Variants in ITPR2 observed in about 807,000 individuals in gnomAD.
ITPR2 encodes the protein inositol 1,4,5-trisphosphate-gated calcium channel ITPR2.
Under a neutral mutation model 317.1 loss-of-function variants are expected in ITPR2, and 207 were observed. That is an observed-to-expected ratio of 0.65 (90% confidence interval 0.58 to 0.73). The LOEUF (loss-of-function observed/expected upper bound fraction) is 0.73. Among genes scored for constraint, ITPR2 ranks in the 30% least tolerant of loss-of-function variants. The pLI, the probability that ITPR2 is intolerant of heterozygous loss-of-function variation, is 0.00. For synonymous variants in ITPR2, 1,156 were observed against 1,149.1 expected (o/e 1.01, Z -0.12); for missense variants, 2,613 against 3,284.0 (o/e 0.80, Z 4.99).
chr12:26,387,410 A>G, intron 55 of ITPR2, 24 bp downstream of exon 55: 1 of 1,610,014 alleles, frequency 6.2e-7, no homozygotes, highest in African/African-American at 1.3e-5. Flanking sequence ...TATAGTCACA[A>G]ATTAAAACCT....
intron 20 of ITPR2, 46 bp from the exon 21 acceptor site, chr12:26,654,172 A>G (rs576752224): frequency 3.3e-4 from 478 of 1,427,966 alleles, no homozygotes; most frequent in South Asian, 3.0e-3. Context: ...GAAAGAGTGG[A>G]AAAAAAAATT....
chr12:26,357,073 T>C (rs747795532), intron 55 of ITPR2, among the ~76,000 whole-genome samples: 1 of 152,086 alleles, frequency 6.6e-6, no homozygotes, highest in Non-Finnish European at 1.5e-5. Flanking sequence ...AGAGTGTCTT[T>C]TTTATTCATG....
intron 46 of ITPR2, among the ~76,000 whole-genome samples, chr12:26,441,171 C>T (rs1417331262): frequency 6.6e-6 from 1 of 152,040 alleles, no homozygotes; most frequent in Non-Finnish European, 1.5e-5. Flanking sequence ...TTTCTAATTA[C>T]TAGACATTCA....
chr12:26,574,652 T>C (rs7966876), intron 34 of ITPR2, among the ~76,000 whole-genome samples: 52,782 of 151,976 alleles, frequency 0.35, 10,727 homozygotes, highest in Non-Finnish European at 0.47. Flanking sequence ...GGATAATTGA[T>C]AAAGAAAAGA....
intron 2 of ITPR2, among the ~76,000 whole-genome samples, chr12:26,754,482 A>G (rs1949485785): frequency 6.6e-6 from 1 of 152,378 alleles, no homozygotes; most frequent in South Asian, 2.1e-4. Context: ...AGTTGCTAAG[A>G]GTTAACATTG....
intron 55 of ITPR2, among the ~76,000 whole-genome samples, chr12:26,370,481 T>C (rs932844135): frequency 6.6e-6 from 1 of 152,170 alleles, no homozygotes; most frequent in Non-Finnish European, 1.5e-5. Flanking sequence ...TCCTAAACAA[T>C]GAGCAAATCC....
chr12:26,375,831 C>G (rs10771277), intron 55 of ITPR2, among the ~76,000 whole-genome samples: 77,010 of 152,070 alleles, frequency 0.51, 19,794 homozygotes, highest in East Asian at 0.64. Flanking sequence ...TGCCCTAGTG[C>G]ATAAAATAAA....
intron 5 of ITPR2, among the ~76,000 whole-genome samples, chr12:26,719,265 A>G (rs952829651): frequency 1.3e-5 from 2 of 152,236 alleles, no homozygotes; most frequent in Non-Finnish European, 2.9e-5. Context: ...AGTGAAGCTC[A>G]GGACGTGATT....
chr12:26,340,109 C>T (rs573026707), intron 56 of ITPR2, 58 bp downstream of exon 56: 1 of 1,487,184 alleles, frequency 6.7e-7, no homozygotes, highest in South Asian at 1.4e-5. Flanking sequence ...TGTCTCCCCT[C>T]ACCGGAAGTG....
intron 26 of ITPR2, among the ~76,000 whole-genome samples, chr12:26,610,009 G>A (rs1946226696): frequency 6.6e-6 from 1 of 152,180 alleles, no homozygotes; most frequent in Non-Finnish European, 1.5e-5. Flanking sequence ...AATGAGGTCT[G>A]AGGCAAAAAT....
At chr12:26,777,112 A>T (rs1239236969) in intron 2 of ITPR2, among the ~76,000 whole-genome samples, 1 of 152,194 alleles carries the variant, frequency 6.6e-6, no homozygotes, top group Non-Finnish European at 1.5e-5. Context: ...TCAGAGAGTT[A>T]AAAAAAGGTT....
rs370215906 is a variant in ITPR2 at position 26,609,448 on chromosome 12, A to G, written c.3463-6742T>C. Among the ~76,000 whole-genome samples, 37 of 152,200 alleles carry G rather than the reference A, an allele frequency of 2.4e-4. No individual in the cohort carries two copies. The South Asian group carries it at 7.5e-3, about 31-fold the overall frequency. The stretch of plus-strand genomic sequence containing the variant: ...ATGGTGAAACCCCATGCCTACAAAA[A>G]ATACAAAAATCAGCCAGGCGTGGTG... On this transcript the variant is annotated intron_variant, in intron 26 of 56. Transcript: ENST00000381340.
Position 26,436,287 on chromosome 12 carries a change from T to C in ITPR2, c.6703A>G (p.Asn2235Asp). ...GCTAAATTGATGAACACAGCCAGGTTGAAGGAAATGCTCCCCCAGAGAGAG... is the reference window on the plus strand; with the variant it reads ...GCTAAATTGATGAACACAGCCAGGTCGAAGGAAATGCTCCCCCAGAGAGAG... ...HISLWGSISF[N>D]LAVFINLAVA... The change falls in exon 48 of 57, where the codon AAC becomes GAC. Residue 2235 changes from asparagine to aspartate, a missense_variant. Asn to Asp is a conservative substitution (Grantham distance 23). This residue lies in a region of ITPR2 where 926 missense variants were observed against 1,072.8 expected (regional missense o/e 0.86). Transcript: ENST00000381340. 1.9e-6 allele frequency: 3 copies of C among 1,613,460 alleles called. No homozygotes were observed. Among genetic ancestry groups the C allele is most frequent in the Non-Finnish European group, 2.5e-6 (3 of 1,179,640 alleles).
At chr12:26,780,221 G>A (rs1378784857) in intron 2 of ITPR2, among the ~76,000 whole-genome samples, 9 of 152,276 alleles carry the variant, frequency 5.9e-5, no homozygotes, top group East Asian at 1.9e-4. Context: ...GACCAACACT[G>A]AGCCTTCGAT....
intron 21 of ITPR2, among the ~76,000 whole-genome samples, chr12:26,643,594 G>T (rs1947041502): frequency 6.6e-6 from 1 of 152,190 alleles, no homozygotes; most frequent in Non-Finnish European, 1.5e-5. Context: ...GGATGGTAAA[G>T]GTCATTCAGA....
At chr12:26,805,495 T>C (rs987937667) in intron 1 of ITPR2, among the ~76,000 whole-genome samples, 3 of 152,150 alleles carry the variant, frequency 2.0e-5, no homozygotes, top group Non-Finnish European at 4.4e-5. Flanking sequence ...AGTAAGATAG[T>C]CACTTCAGAA....
chr12:26,773,146 T>C (rs943571179), intron 2 of ITPR2, among the ~76,000 whole-genome samples: 2 of 152,222 alleles, frequency 1.3e-5, no homozygotes, highest in African/African-American at 4.8e-5. Flanking sequence ...CCTTCCCACC[T>C]ACCATCTATG....
rs1308297273 is a variant in ITPR2 at position 26,765,171 on chromosome 12, T to C, written c.163+24986A>G. ...AGTCAACAAAATAGCCCGTATTTTC[T>C]ATGGGACATGCATCAAAACAACTAA... is the stretch of plus-strand genomic sequence containing the variant. On this transcript the variant is annotated intron_variant, in intron 2 of 56. Transcript: ENST00000381340. Among the ~76,000 whole-genome samples, 15 of 152,128 alleles carry C rather than the reference T, an allele frequency of 9.9e-5. No individual in the cohort carries two copies. The South Asian group carries it at 1.0e-3, about 10-fold the overall frequency.
rs561036958 is a variant in ITPR2 at position 26,335,489 on chromosome 12, G to A, written c.*3908C>T. Among the ~76,000 whole-genome samples the A allele has an allele frequency of 3.3e-5, 5 of 152,218 alleles. No individual in the cohort carries two copies. The East Asian group carries it at 5.8e-4, about 18-fold the overall frequency. On this transcript the variant is annotated 3_prime_UTR_variant, in exon 57 of 57. Coordinates refer to ENST00000381340, the MANE Select transcript of ITPR2 (RefSeq NM_002223.4). ...CTTCTTGGTGATATGAGAAATACTG[G>A]TGTGATAATTTCATAAATTATTCAA...
Sources: allele counts gnomAD v4.1 joint callset (sites outside exome capture counted in the v4.1 genomes callset), GRCh38; gene constraint gnomAD v4.1.1; regional missense constraint gnomAD v4.1.1; transcripts MANE v1.5; gene names NCBI Gene and HGNC (gene_info 2026-07-23, HGNC 2026-07-21).